The following ZNF704 variants were observed in gnomAD, a reference collection of about 807,000 sequenced individuals.
ZNF704 encodes zinc finger protein 704, also known as glucocorticoid induced gene 1.
In ZNF704, 10 loss-of-function variants were observed where a neutral mutation model predicts 44.7. The observed-to-expected ratio is 0.22, with a 90% CI of 0.14 to 0.38. The LOEUF is 0.38. Among genes scored for constraint, ZNF704 ranks in the 10% least tolerant of loss-of-function variants. The pLI is 1.00. For synonymous variants in ZNF704, 211 were observed against 207.6 expected (o/e 1.02, Z -0.14); for missense variants, 390 against 545.5 (o/e 0.71, Z 2.84).
Position 80,821,484 on chromosome 8 carries a change from G to A in ZNF704, c.111C>T (p.Thr37=). ...GGTCAAGGATCCGGCTGGCTTTTTT[G>A]GTGTCTGCTGTTTTCACATCTTCCT... ...AMEEDVKTAD[T]KKASRILDHE... The change falls in exon 2 of 9, where the codon ACC becomes ACT. Residue 37 remains threonine, a synonymous_variant. Coordinates refer to ENST00000327835, the MANE Select transcript of ZNF704 (RefSeq NM_001033723.3). 1 of 1,614,022 alleles carries A rather than the reference G, an allele frequency of 6.2e-7. No homozygotes were observed. The highest frequency in any genetic ancestry group is 8.5e-7 in the Non-Finnish European group (1 of 1,179,974).
In ZNF704 at chr8:80,670,442, G is replaced by A. The variant is rs942052644; in HGVS notation, c.659+61C>T. 8.9e-6 allele frequency: 11 copies of A among 1,229,404 alleles called. No individual in the cohort carries two copies. The African/African-American group carries it at 1.2e-4, about 13-fold the overall frequency. 76.2% of individuals were successfully genotyped at this position (1,229,404 alleles called of 1,614,324 possible). On this transcript the variant is annotated intron_variant, in intron 5 of 8. Coordinates refer to ENST00000327835, the MANE Select transcript of ZNF704 (RefSeq NM_001033723.3). ...GCACAGTGTGGTGTGCAATTTCTGAGTGCGGGTGGCCCTAGACTGAGCAGA... is the reference window on the plus strand; with the variant it reads ...GCACAGTGTGGTGTGCAATTTCTGAATGCGGGTGGCCCTAGACTGAGCAGA...
At position 80,637,307 on chromosome 8, in the gene ZNF704, A is replaced by AT. The variant is rs942552371; in HGVS notation, c.*4058dup. Reference sequence around the variant, plus strand: ...CCAGACCTATTTTTGCATGCCCTTTATTTTTCCCTGAGGAAATGAATATTA... The same window carrying AT: ...CCAGACCTATTTTTGCATGCCCTTTATTTTTTCCCTGAGGAAATGAATATTA... On this transcript the variant is annotated 3_prime_UTR_variant, in exon 9 of 9. Coordinates refer to ENST00000327835, the MANE Select transcript of ZNF704 (RefSeq NM_001033723.3). The AT allele has an allele frequency of 6.6e-6, 1 of 152,090 alleles. No homozygotes were observed. Among genetic ancestry groups the AT allele is most frequent in the African/African-American group, 2.4e-5 (1 of 41,402 alleles). 9.4% of individuals were successfully genotyped at this position (152,090 alleles called of 1,614,324 possible). A position where few individuals can be genotyped will look rare whatever the true frequency, so the allele number is the denominator to read the frequency against.
At chr8:80,813,912 C>G (rs549672993) in intron 2 of ZNF704, among the ~76,000 whole-genome samples, 262 of 152,104 alleles carry the variant, frequency 1.7e-3, no homozygotes, top group Non-Finnish European at 2.1e-3. Flanking sequence ...ATTGAGATAA[C>G]ATCAATGTTA....
At chr8:80,710,837 G>C (rs1431283664) in intron 2 of ZNF704, among the ~76,000 whole-genome samples, 4 of 152,226 alleles carry the variant, frequency 2.6e-5, no homozygotes, top group African/African-American at 9.6e-5. Context: ...AGCAGACTAA[G>C]ACAGCGGTTT....
In ZNF704 at chr8:80,734,804, T is replaced by A. The variant is rs1806640365; in HGVS notation, c.222-41697A>T. Among the ~76,000 whole-genome samples the A allele has an allele frequency of 7.2e-5, 11 of 152,270 alleles. 1 individual carries two copies. The highest frequency in any genetic ancestry group is 7.2e-4 in the Admixed American group (11 of 15,288). On this transcript the variant is annotated intron_variant, in intron 2 of 8. Coordinates refer to ENST00000327835, the MANE Select transcript of ZNF704 (RefSeq NM_001033723.3). ...TTATTTGTTGATTGTGTTTTCACTA[T>A]CGTCACTATCTATTTATGGCTGTCT... is the stretch of plus-strand genomic sequence containing the variant.
intron 2 of ZNF704, among the ~76,000 whole-genome samples, chr8:80,703,427 T>G (rs1229624254): frequency 6.6e-6 from 1 of 152,090 alleles, no homozygotes; most frequent in Admixed American, 6.5e-5. Flanking sequence ...GGCTTAGTCT[T>G]GCATCTTTTT....
chr8:80,802,194 C>CG (rs1807913120), intron 2 of ZNF704, among the ~76,000 whole-genome samples: 1 of 82,526 alleles, frequency 1.2e-5, no homozygotes, highest in Non-Finnish European at 2.4e-5. Context: ...GCCTACCAAC[C>CG]AAAAAAAAAA....
intron 2 of ZNF704, among the ~76,000 whole-genome samples, chr8:80,778,835 A>G (rs1807461886): frequency 6.6e-6 from 1 of 152,138 alleles, no homozygotes; most frequent in African/African-American, 2.4e-5. Context: ...GAAGGGAATG[A>G]CAGACACTGG....
At chr8:80,824,336 G>A (rs1421968493) in intron 1 of ZNF704, among the ~76,000 whole-genome samples, 8 of 152,158 alleles carry the variant, frequency 5.3e-5, no homozygotes, top group Non-Finnish European at 1.2e-4. Flanking sequence ...AGTGATTGAA[G>A]CTCAAATGAA....
rs935212787 is a variant in ZNF704 at position 80,821,379 on chromosome 8, T to C, written c.216A>G (p.Pro72=). Residue 72 remains proline, a synonymous_variant, in exon 2 of 9, where the codon CCA becomes CCG. Coordinates refer to ENST00000327835, the MANE Select transcript of ZNF704 (RefSeq NM_001033723.3). ...GAGATTTAATGTTCCCTTACCTTGC[T>C]GGAGGAACATCAATGTTGGAGGAAA... ...KVVSSNIDVP[P]ARKSSEELDM... 6.2e-7 allele frequency: 1 copy of C among 1,613,686 alleles called. No individual in the cohort carries two copies.
At chr8:80,856,852 T>G (rs546989919) in intron 1 of ZNF704, among the ~76,000 whole-genome samples, 7 of 152,326 alleles carry the variant, frequency 4.6e-5, no homozygotes, top group Middle Eastern at 3.4e-3. Flanking sequence ...TGCATTTCCA[T>G]ATACATTTGA....
rs1489971156 is a variant in ZNF704 at position 80,823,305 on chromosome 8, A to T, written c.-21-1690T>A. Among the ~76,000 whole-genome samples the T allele has an allele frequency of 2.0e-5, 3 of 152,364 alleles. 1 individual carries two copies. The highest frequency in any genetic ancestry group is 6.8e-3 in the Middle Eastern group (2 of 294). ...GCCTGGCTCGGAGGGTCCCACACCC[A>T]CGAAGTCTTGCTCACTGCAAGGACA... On this transcript the variant is annotated intron_variant, in intron 1 of 8. Coordinates refer to ENST00000327835, the MANE Select transcript of ZNF704 (RefSeq NM_001033723.3).
intron 1 of ZNF704, among the ~76,000 whole-genome samples, chr8:80,830,788 C>T (rs1460897489): frequency 2.3e-4 from 30 of 130,960 alleles, no homozygotes; most frequent in Non-Finnish European, 3.8e-4. Context: ...GATGGAGTCT[C>T]GCTCTGTCAA....
At chr8:80,739,422 A>G (rs1806719359) in intron 2 of ZNF704, among the ~76,000 whole-genome samples, 1 of 152,080 alleles carries the variant, frequency 6.6e-6, no homozygotes, top group Non-Finnish European at 1.5e-5. Flanking sequence ...TGCTGTGTAG[A>G]TGGAGAAATG....
chr8:80,828,005 G>A (rs1309101004), intron 1 of ZNF704, among the ~76,000 whole-genome samples: 1 of 152,182 alleles, frequency 6.6e-6, no homozygotes, highest in Non-Finnish European at 1.5e-5. Flanking sequence ...TCAGGACATA[G>A]GCATGGGCAA....
At position 80,634,215 on chromosome 8, in the gene ZNF704, T is replaced by C. The variant is rs1447085359; in HGVS notation, c.*7151A>G. On this transcript the variant is annotated 3_prime_UTR_variant, in exon 9 of 9. Coordinates refer to ENST00000327835, the MANE Select transcript of ZNF704 (RefSeq NM_001033723.3). ...TCACAGTGGCCACGGTAGAAAACACTAAGAAAATTAGGATAACAGTGATTC... is the reference window on the plus strand; with the variant it reads ...TCACAGTGGCCACGGTAGAAAACACCAAGAAAATTAGGATAACAGTGATTC... The C allele has an allele frequency of 6.6e-6, 1 of 152,106 alleles. No homozygotes were observed. Among genetic ancestry groups the C allele is most frequent in the Non-Finnish European group, 1.5e-5 (1 of 68,024 alleles). 9.4% of individuals were successfully genotyped at this position (152,106 alleles called of 1,614,324 possible).
At chr8:80,878,120 T>C (rs149444076), upstream of ZNF704, among the ~76,000 whole-genome samples, 2 of 152,286 alleles carry the variant, frequency 1.3e-5, no homozygotes, top group African/African-American at 4.8e-5. Context: ...TGAGCATCAC[T>C]CCCTAAACAC....
chr8:80,715,688 A>T (rs1819062220), intron 2 of ZNF704, among the ~76,000 whole-genome samples: 1 of 152,196 alleles, frequency 6.6e-6, no homozygotes, highest in African/African-American at 2.4e-5. Context: ...GCTCAGCTTC[A>T]ACCCAGACTA....
At chr8:80,691,315 T>C (rs1818631074) in intron 3 of ZNF704, among the ~76,000 whole-genome samples, 1 of 152,244 alleles carries the variant, frequency 6.6e-6, no homozygotes, top group African/African-American at 2.4e-5. Context: ...GTGCATTACA[T>C]TTCAGTGAAC....
Sources: gnomAD v4.1 joint callset for allele counts (sites outside exome capture counted in the v4.1 genomes callset) on GRCh38, gnomAD v4.1.1 for gene constraint, MANE v1.5 for transcripts, NCBI Gene and HGNC (gene_info 2026-07-23, HGNC 2026-07-21) for gene names.